Variants in ESS2 observed in about 807,000 individuals in gnomAD.
ESS2 encodes ess-2 spliceosome associated protein.
Under a neutral mutation model 52.0 loss-of-function variants are expected in ESS2, and 31 were observed. That is an observed-to-expected ratio of 0.60 (90% CI 0.45 to 0.81). The LOEUF (loss-of-function observed/expected upper bound fraction) is 0.81. ESS2 is among the 30% of genes least tolerant of loss of function. The pLI, the probability that ESS2 is intolerant of heterozygous loss-of-function variation, is 0.00. For synonymous variants in ESS2, 285 were observed against 259.2 expected (o/e 1.10, Z -0.95); for missense variants, 602 against 637.2 (o/e 0.94, Z 0.59).
At chr22:19,141,984 T>C (rs1335595755) in intron 3 of ESS2, among the ~76,000 whole-genome samples, 4 of 152,030 alleles carry the variant, frequency 2.6e-5, no homozygotes, top group Non-Finnish European at 4.4e-5. Flanking sequence ...AGCGAGACTC[T>C]GTGTCAAAAA....
intron 6 of ESS2, 141 bp from the exon 7 acceptor site, chr22:19,138,458 T>C: frequency 1.2e-6 from 1 of 843,922 alleles, no homozygotes; most frequent in Admixed American, 2.0e-5. Flanking sequence ...GCAGCCTTCT[T>C]GGAGAAAGAG....
Position 19,139,213 on chromosome 22 carries a change from G to T in ESS2, c.768C>A (p.Phe256Leu). Residue 256 changes from phenylalanine (F) to leucine (L), a missense_variant, in exon 6 of 10, where the codon TTC (phenylalanine) becomes TTA (leucine). Physicochemically the swap from Phe to Leu is conservative, Grantham distance 22 (BLOSUM62 0). Coordinates refer to ENST00000252137, the MANE Select transcript of ESS2 (RefSeq NM_022719.3). ...HKNTRFLRDP[F>L]SQALSRCQLQ... is the part of the protein sequence containing the mutation. Reference sequence around the variant, plus strand: ...GCTGGCACCTGCTCAGGGCTTGGCTGAAGGGGTCCCTAAGGAAGCGCGTGT... The same window carrying T: ...GCTGGCACCTGCTCAGGGCTTGGCTTAAGGGGTCCCTAAGGAAGCGCGTGT... 1 of 1,608,530 alleles carries T rather than the reference G, an allele frequency of 6.2e-7. No individual in the cohort carries two copies. Among genetic ancestry groups the T allele is most frequent in the Non-Finnish European group, 8.5e-7 (1 of 1,177,286 alleles).
chr22:19,131,205 C>G lies in ESS2; in HGVS notation c.*2991G>C, dbSNP rs913351338. ...CCCTGTTCTCCCTCAGCCCAGTCCC[C>G]GCCCCCACTCCTTGGCTTTATGAGT... On this transcript the variant is annotated 3_prime_UTR_variant, in exon 10 of 10. Transcript: ENST00000252137. This position sits in a 1 kb window ranked among gnomAD's most constrained non-coding sequence, Gnocchi z 5.7. 1.7e-6 allele frequency: 1 copy of G among 584,324 alleles called. No homozygotes were observed. Among genetic ancestry groups the G allele is most frequent in the Non-Finnish European group, 3.0e-6 (1 of 329,312 alleles). The allele number at this position is 584,324 out of a possible 1,614,324, so 36.2% of individuals were successfully genotyped here. A position where few individuals can be genotyped will look rare whatever the true frequency, so the allele number is the denominator to read the frequency against.
At chr22:19,143,202 CAAAAAAAAAA>C (rs10632625) in intron 1 of ESS2, among the ~76,000 whole-genome samples, 1 of 113,056 alleles carries the variant, frequency 8.8e-6, no homozygotes, top group South Asian at 3.2e-4. Flanking sequence ...GAGACCGTCT[CAAAAAAAAAA>C]AAAAAAAAGA....
At chr22:19,137,155 G>A (rs2083596995) in intron 8 of ESS2, among the ~76,000 whole-genome samples, 168 bp downstream of exon 8, 1 of 152,030 alleles carries the variant, frequency 6.6e-6, no homozygotes, top group Non-Finnish European at 1.5e-5. Context: ...TCTGTGACAG[G>A]TCCACCCACC....
chr22:19,133,901 C>T lies in ESS2; in HGVS notation c.*295G>A, dbSNP rs1260227489. ...CAGGCCCCAGGGCAAGGCTAGGGCT[C>T]GTGTGGGGAGCAAGATGGAGAGGCA... On this transcript the variant is annotated 3_prime_UTR_variant, in exon 10 of 10. Transcript: ENST00000252137. 2.2e-5 allele frequency: 7 copies of T among 317,496 alleles called. No homozygotes were observed. Among genetic ancestry groups the T allele is most frequent in the Admixed American group, 5.0e-5 (1 of 19,960 alleles). 19.7% of individuals were successfully genotyped at this position (317,496 alleles called of 1,614,324 possible). A position where few individuals can be genotyped will look rare whatever the true frequency, so the allele number is the denominator to read the frequency against.
At chr22:19,143,197 C>G (rs1218629336) in intron 1 of ESS2, among the ~76,000 whole-genome samples, 1 of 90,368 alleles carries the variant, frequency 1.1e-5, no homozygotes, top group African/African-American at 5.0e-5. Flanking sequence ...AGAGCGAGAC[C>G]GTCTCAAAAA....
chr22:19,141,317 G>C (rs938270709), intron 3 of ESS2, among the ~76,000 whole-genome samples: 2 of 152,188 alleles, frequency 1.3e-5, no homozygotes, highest in Admixed American at 6.5e-5. Flanking sequence ...CAGCACAGTG[G>C]AGTCTACAAA....
intron 8 of ESS2, among the ~76,000 whole-genome samples, chr22:19,135,379 C>A (rs943655041): frequency 6.6e-6 from 1 of 152,240 alleles, no homozygotes; most frequent in Non-Finnish European, 1.5e-5. Flanking sequence ...CACCTGTCTT[C>A]GTGTTCCTCC....
intron 7 of ESS2, chr22:19,137,904 G>C (rs1449720335): frequency 1.0e-6 from 1 of 985,272 alleles, no homozygotes; most frequent in East Asian, 1.1e-4. Flanking sequence ...TGCAGTGCTA[G>C]GTAGACTTAG....
rs761920421 is a variant in ESS2, at chr22:19,135,172, G to A, written c.1039C>T (p.Leu347=). The change falls in exon 9 of 10, where the codon CTG becomes TTG. Residue 347 remains leucine (L), a synonymous_variant. Coordinates refer to ENST00000252137, the MANE Select transcript of ESS2 (RefSeq NM_022719.3). ...DRTPGPAFKI[L]EPGRRERLGL... ...AGCCGCTCCCTGCGGCCTGGCTCCA[G>A]GATCTACAAGGTAGCAGGTGTGTGG... 144 of 1,612,452 alleles carry A rather than the reference G, an allele frequency of 8.9e-5. No homozygotes were observed. The highest frequency in any genetic ancestry group is 1.1e-4 in the Non-Finnish European group (133 of 1,178,924).
At position 19,139,224 on chromosome 22, in the gene ESS2, T is replaced by G. The variant is rs2083639247; in HGVS notation, c.757A>C (p.Arg253=). 1 of 1,608,892 alleles carries G rather than the reference T, an allele frequency of 6.2e-7. No homozygotes were observed. The highest frequency in any genetic ancestry group is 1.3e-5 in the African/African-American group (1 of 74,816). Residue 253 remains arginine (R), a synonymous_variant, in exon 6 of 10, where the codon AGG becomes CGG. Coordinates refer to ENST00000252137, the MANE Select transcript of ESS2 (RefSeq NM_022719.3). ...QVVHKNTRFL[R]DPFSQALSRC... is the part of the protein sequence containing the mutation. ...CTCAGGGCTTGGCTGAAGGGGTCCC[T>G]AAGGAAGCGCGTGTTCTTATGTACC...
At position 19,142,617 on chromosome 22, in the gene ESS2, T is replaced by C. The variant is rs1375267441; in HGVS notation, c.321A>G (p.Thr107=). 1.9e-6 allele frequency: 3 copies of C among 1,613,490 alleles called. No individual in the cohort carries two copies. The highest frequency in any genetic ancestry group is 1.3e-5 in the African/African-American group (1 of 74,918). The change falls in exon 3 of 10, where the codon ACA becomes ACG. Residue 107 remains threonine, a synonymous_variant. Transcript: ENST00000252137. ...CTGCATGCACCTCAGGGGTTTCAAA[T>C]GTGGCTGGAGTCACATCTAGGGGAA... ...EPPPPYVTPA[T]FETPEVHAGT...
intron 2 of ESS2, 22 bp downstream of exon 2, chr22:19,142,704 G>A (rs371142852): frequency 1.4e-4 from 228 of 1,610,500 alleles, no homozygotes; most frequent in Non-Finnish European, 1.7e-4. Flanking sequence ...TCCCCTCTCC[G>A]CCACCCACAG....
intron 3 of ESS2, among the ~76,000 whole-genome samples, chr22:19,141,071 C>T (rs184374555): frequency 1.3e-5 from 2 of 149,026 alleles, no homozygotes; most frequent in East Asian, 3.9e-4. Flanking sequence ...CACTTGAGCT[C>T]AGAAGTTTAA....
At position 19,137,384 on chromosome 22, in the gene ESS2, G is replaced by A. The variant is rs755792682; in HGVS notation, c.974C>T (p.Pro325Leu). The change falls in exon 8 of 10, where the codon CCC becomes CTC. Residue 325 changes from proline (P) to leucine (L), a missense_variant. Coordinates refer to ENST00000252137, the MANE Select transcript of ESS2 (RefSeq NM_022719.3). ...CGTTTCCGACCCTTCAACTCTCAAG[G>A]GTGTGTTCTCAACCTCCCCCCAGGT... ...MMTWGEVENT[P>L]LRVEGSETPY... is the part of the protein sequence containing the mutation. The A allele has an allele frequency of 1.9e-6, 3 of 1,613,694 alleles. No individual in the cohort carries two copies. Among genetic ancestry groups the A allele is most frequent in the East Asian group, 2.2e-5 (1 of 44,826 alleles).
rs1386332094 is a variant in ESS2 at position 19,137,346 on chromosome 22, T to C, written c.1012A>G (p.Arg338Gly). Reference sequence around the variant, plus strand: ...ACCTTAAAAGCTGGGCCGGGTGTCCTGTCCACGTAGGGCGTTTCCGACCCT... The same window carrying C: ...ACCTTAAAAGCTGGGCCGGGTGTCCCGTCCACGTAGGGCGTTTCCGACCCT... ...VEGSETPYVD[R>G]TPGPAFKILE... is the part of the protein sequence containing the mutation. The change falls in exon 8 of 10, where the codon AGG (arginine) becomes GGG (glycine). Residue 338 changes from arginine (R) to glycine (G), a missense_variant. Physicochemically the swap from Arg to Gly is moderately radical, Grantham distance 125. Coordinates refer to ENST00000252137, the MANE Select transcript of ESS2 (RefSeq NM_022719.3). 1 of 1,613,554 alleles carries C rather than the reference T, an allele frequency of 6.2e-7. No individual in the cohort carries two copies. The highest frequency in any genetic ancestry group is 8.5e-7 in the Non-Finnish European group (1 of 1,179,762).
In ESS2 at chr22:19,140,053, C is replaced by A. The variant is rs779790064; in HGVS notation, c.401-29G>T. On this transcript the variant is annotated intron_variant, in intron 3 of 9. Coordinates refer to ENST00000252137, the MANE Select transcript of ESS2 (RefSeq NM_022719.3). ...CTTAGGGGTTGCGGGAGGAGGAACA[C>A]AGCACCCTTTGCAGTCAGGAAAGAG... 3.7e-6 allele frequency: 6 copies of A among 1,610,752 alleles called. No homozygotes were observed. In the East Asian group the frequency reaches 8.9e-5, roughly 24 times the overall value.
rs1013727234 is a variant in ESS2 at position 19,130,490 on chromosome 22, G to T, written c.*3706C>A. Reference sequence around the variant, plus strand: ...GGCAAAAAAAATGCTTGCTAAGTCCGATTAAAAGGGGCCCAGTGCCTTCAA... The same window carrying T: ...GGCAAAAAAAATGCTTGCTAAGTCCTATTAAAAGGGGCCCAGTGCCTTCAA... On this transcript the variant is annotated 3_prime_UTR_variant, in exon 10 of 10. Transcript: ENST00000252137. 3 of 328,294 alleles carry T rather than the reference G, an allele frequency of 9.1e-6. No homozygotes were observed. Among genetic ancestry groups the T allele is most frequent in the East Asian group, 1.8e-4 (2 of 11,352 alleles). The allele number at this position is 328,294 out of a possible 1,614,324, so 20.3% of individuals were successfully genotyped here.
Sources: gnomAD v4.1 joint callset for allele counts (sites outside exome capture counted in the v4.1 genomes callset) on GRCh38, gnomAD v4.1.1 for gene constraint, Gnocchi (gnomAD v3.1) non-coding constraint, MANE v1.5 for transcripts, NCBI Gene and HGNC (gene_info 2026-07-23, HGNC 2026-07-21) for gene names.